Variants in FAM13A observed in about 807,000 individuals in gnomAD.
The protein encoded by FAM13A is family with sequence similarity 13 member A.
Under a neutral mutation model 129.6 loss-of-function variants are expected in FAM13A, and 76 were observed. That is an observed-to-expected ratio of 0.59 (90% CI 0.49 to 0.71). FAM13A has a LOEUF of 0.71. Among genes scored for constraint, FAM13A ranks in the 30% least tolerant of loss-of-function variants. FAM13A has a pLI of 0.00. For synonymous variants in FAM13A, 443 were observed against 449.9 expected (o/e 0.98, Z 0.20); for missense variants, 1,108 against 1,249.3 (o/e 0.89, Z 1.70).
chr4:88,828,009 G>C (rs963263037), intron 7 of FAM13A, among the ~76,000 whole-genome samples: 1 of 152,264 alleles, frequency 6.6e-6, no homozygotes, highest in South Asian at 2.1e-4. Context: ...TTTCAAATCT[G>C]CCCTGAACTT....
At chr4:88,899,777 G>A (rs1746970394) in intron 6 of FAM13A, among the ~76,000 whole-genome samples, 2 of 152,064 alleles carry the variant, frequency 1.3e-5, no homozygotes, top group African/African-American at 4.8e-5. Flanking sequence ...CTGGGTGGAG[G>A]CTGAGATGGC....
At chr4:88,952,404 CAGAG>C (rs1421167889) in intron 4 of FAM13A, among the ~76,000 whole-genome samples, 1 of 151,986 alleles carries the variant, frequency 6.6e-6, no homozygotes, top group African/African-American at 2.4e-5. Context: ...GCTATCAAAA[CAGAG>C]AGAAAACAGC....
intron 3 of FAM13A, among the ~76,000 whole-genome samples, chr4:88,998,052 AT>A (rs911180246): frequency 2.0e-5 from 3 of 152,156 alleles, no homozygotes; most frequent in Admixed American, 2.0e-4. Context: ...ATGGAAGTGA[AT>A]TCTGCCAACA....
intron 4 of FAM13A, among the ~76,000 whole-genome samples, chr4:88,984,426 C>G (rs1262044729): frequency 6.6e-6 from 1 of 152,004 alleles, no homozygotes; most frequent in Non-Finnish European, 1.5e-5. Flanking sequence ...AGTATATAAA[C>G]AACTCTTATA....
At chr4:88,862,324 G>A (rs1474365662) in intron 6 of FAM13A, among the ~76,000 whole-genome samples, 1 of 152,188 alleles carries the variant, frequency 6.6e-6, no homozygotes, top group Non-Finnish European at 1.5e-5. Flanking sequence ...GGTGAGGAGG[G>A]AAGGCTTCCA....
intron 6 of FAM13A, among the ~76,000 whole-genome samples, chr4:88,871,606 A>T (rs1741409522): frequency 6.6e-6 from 1 of 152,224 alleles, no homozygotes; most frequent in Non-Finnish European, 1.5e-5. Context: ...AAAAAGAGTA[A>T]AAAGAAACAA....
intron 8 of FAM13A, among the ~76,000 whole-genome samples, chr4:88,795,654 A>T (rs1162413197): frequency 6.6e-6 from 1 of 151,782 alleles, no homozygotes; most frequent in African/African-American, 2.4e-5. Context: ...GCTTCAGGGT[A>T]TGTCCTCGAT....
At chr4:88,785,988 C>T (rs1723884687) in intron 10 of FAM13A, among the ~76,000 whole-genome samples, 1 of 152,148 alleles carries the variant, frequency 6.6e-6, no homozygotes, top group Admixed American at 6.5e-5. Flanking sequence ...GTCTTCATAC[C>T]ATCACTCAGC....
intron 6 of FAM13A, among the ~76,000 whole-genome samples, chr4:88,860,952 T>C (rs1214910062): frequency 6.6e-6 from 1 of 152,224 alleles, no homozygotes; most frequent in South Asian, 2.1e-4. Flanking sequence ...GTCATATATA[T>C]AGGTGAACAC....
chr4:88,737,211 CA>C (rs754624205), intron 21 of FAM13A, among the ~76,000 whole-genome samples: 1 of 151,794 alleles, frequency 6.6e-6, no homozygotes, highest in Non-Finnish European at 1.5e-5. Flanking sequence ...GAAGTAAAAA[CA>C]AAACAACAAC....
chr4:88,950,010 T>C (rs1227404492), intron 4 of FAM13A, among the ~76,000 whole-genome samples: 1 of 152,210 alleles, frequency 6.6e-6, no homozygotes, highest in African/African-American at 2.4e-5. Context: ...TTCTGAGATA[T>C]TTTCAAATAC....
At chr4:88,926,265 C>T (rs1752141882) in intron 5 of FAM13A, among the ~76,000 whole-genome samples, 1 of 152,128 alleles carries the variant, frequency 6.6e-6, no homozygotes, top group Admixed American at 6.6e-5. Flanking sequence ...TAGGCACTTC[C>T]AGCCCACAGA....
chr4:89,033,311 C>T (rs1029355416), intron 1 of FAM13A, among the ~76,000 whole-genome samples: 35 of 152,152 alleles, frequency 2.3e-4, no homozygotes, highest in African/African-American at 7.2e-4. Context: ...ATACTTCAAA[C>T]GGCTTCACTC....
chr4:88,751,367 A>G (rs188489311), intron 14 of FAM13A, among the ~76,000 whole-genome samples: 9 of 152,318 alleles, frequency 5.9e-5, no homozygotes, highest in African/African-American at 2.2e-4. Context: ...AACCACATCA[A>G]TCTTGAGAGA....
chr4:89,029,026 T>C (rs1048497446), intron 2 of FAM13A, among the ~76,000 whole-genome samples: 3 of 152,206 alleles, frequency 2.0e-5, no homozygotes, highest in Non-Finnish European at 4.4e-5. Context: ...AGTTTTTTGG[T>C]GTCTCTCCTA....
At position 88,951,035 on chromosome 4, in the gene FAM13A, T is replaced by C. The variant is rs575198802; in HGVS notation, c.606-12794A>G. On this transcript the variant is annotated intron_variant, in intron 4 of 23. Coordinates refer to ENST00000264344, the MANE Select transcript of FAM13A (RefSeq NM_014883.4). ...CGAAGGTGTAAACCCGGTTGCTGGG[T>C]CCTCTGTTATGCTGTAGGCTGGGAG... 7.9e-5 allele frequency among the ~76,000 whole-genome samples: 12 copies of C among 152,244 alleles called. No homozygotes were observed. In the South Asian group the frequency reaches 2.3e-3, roughly 29 times the overall value.
At chr4:88,759,804 C>A (rs1744434774) in intron 13 of FAM13A, among the ~76,000 whole-genome samples, 1 of 152,158 alleles carries the variant, frequency 6.6e-6, no homozygotes, top group African/African-American at 2.4e-5. Context: ...CCCCAAAAGG[C>A]TGATATTCAA....
chr4:88,839,986 C>A lies in FAM13A; in HGVS notation c.1007+11034G>T, dbSNP rs1474465579. Among the ~76,000 whole-genome samples, 3 of 152,100 alleles carry A rather than the reference C, an allele frequency of 2.0e-5. No individual in the cohort carries two copies. In the South Asian group the frequency reaches 6.2e-4, roughly 32 times the overall value. On this transcript the variant is annotated intron_variant, in intron 7 of 23. Transcript: ENST00000264344. ...AAATCACAGAACTGAATGAAAGCAC[C>A]CAGGAATGAGTATAGGTTGAGAGGA...
At chr4:88,935,766 T>C (rs2148803738) in intron 5 of FAM13A, among the ~76,000 whole-genome samples, 1 of 152,332 alleles carries the variant, frequency 6.6e-6, no homozygotes, top group African/African-American at 2.4e-5. Flanking sequence ...TAACATATTC[T>C]CCTTTTATTA....
Sources: allele counts gnomAD v4.1 joint callset (sites outside exome capture counted in the v4.1 genomes callset), GRCh38; gene constraint gnomAD v4.1.1; transcripts MANE v1.5; gene names NCBI Gene and HGNC (gene_info 2026-07-23, HGNC 2026-07-21).